The following FHIP2B variants were observed in gnomAD, a reference collection of about 807,000 sequenced individuals.
FHIP2B encodes the protein FHF complex subunit HOOK-interacting protein 2B.
FHIP2B carries 72 observed loss-of-function variants against 84.0 expected under a neutral mutation model. That is an observed-to-expected ratio of 0.86 (90% CI 0.71 to 1.04). The LOEUF (loss-of-function observed/expected upper bound fraction) is 1.04, where lower values mean the gene tolerates loss of function less well. FHIP2B is among the 50% of genes least tolerant of loss of function. The probability of loss-of-function intolerance (pLI) is 0.00; values close to 1 mark genes in which losing one functional copy is unlikely to be tolerated. For missense variants in FHIP2B, 972 were observed against 968.9 expected, an observed-to-expected ratio of 1.00 and a Z score of -0.04; for synonymous variants, 497 against 418.7, an observed-to-expected ratio of 1.19 and a Z score of -2.28.
At position 22,098,584 on chromosome 8, in the gene FHIP2B, C is replaced by T. The variant is rs767518854; in HGVS notation, c.930C>T (p.Pro310=). 2.6e-5 allele frequency: 42 copies of T among 1,603,194 alleles called. No individual in the cohort carries two copies. The highest frequency in any genetic ancestry group is 1.0e-4 in the Admixed American group (6 of 58,368). Reference sequence around the variant, plus strand: ...GGTCCATGCCTGTCTTCCTGGACCCCGCAGACATTGCCACCTTAGAGGGCA... The same window carrying T: ...GGTCCATGCCTGTCTTCCTGGACCCTGCAGACATTGCCACCTTAGAGGGCA... The part of the protein sequence containing the change: ...LYRSMPVFLD[P]ADIATLEGIS... The change falls in exon 7 of 17, where the codon CCC becomes CCT. Residue 310 remains proline (P), a synonymous_variant. Coordinates refer to ENST00000289921, the MANE Select transcript of FHIP2B (RefSeq NM_022749.7).
chr8:22,089,648 C>G, intron 1 of FHIP2B: 1 of 619,164 alleles, frequency 1.6e-6, no homozygotes, highest in Non-Finnish European at 2.4e-6. Context: ...CCCCGGGGCC[C>G]TAGGCCGCCT....
intron 8 of FHIP2B, 39 bp downstream of exon 8, chr8:22,099,095 TC>T (rs1825956916): frequency 1.3e-6 from 2 of 1,529,140 alleles, no homozygotes; most frequent in Non-Finnish European, 8.9e-7. Context: ...CTCATGCTGT[TC>T]CCTGTACCAT....
At chr8:22,102,468 G>A (rs1316684061) in intron 15 of FHIP2B, 60 bp from the exon 16 acceptor site, 2 of 1,536,408 alleles carry the variant, frequency 1.3e-6, no homozygotes, top group East Asian at 2.4e-5. Flanking sequence ...GGTGTGGCAG[G>A]GCCAGGGGAC....
At chr8:22,096,130 CTG>C (rs1011055582) in intron 2 of FHIP2B, 11 of 534,784 alleles carry the variant, frequency 2.1e-5, no homozygotes, top group Non-Finnish European at 3.3e-5. Context: ...TCTCAGAGGA[CTG>C]TGTCCTGAGC....
Position 22,101,716 on chromosome 8 carries a change from G to A in FHIP2B, c.1716G>A (p.Glu572=). 1 of 1,611,420 alleles carries A rather than the reference G, an allele frequency of 6.2e-7. No homozygotes were observed. The highest frequency in any genetic ancestry group is 8.5e-7 in the Non-Finnish European group (1 of 1,178,686). The change falls in exon 14 of 17, where the codon GAG becomes GAA. Residue 572 remains glutamate, a synonymous_variant. Coordinates refer to ENST00000289921, the MANE Select transcript of FHIP2B (RefSeq NM_022749.7). ...TTTCCCGCCTGTCTCAGTTCCAGGA[G>A]TGCAGCTCCCGCGTCGCCTCCTGGG... The part of the protein sequence containing the change: ...YVHDAYGLFQ[E]CSSRVASWGW...
chr8:22,089,791 C>G lies in FHIP2B; in HGVS notation c.45+493C>G, dbSNP rs568107305. The G allele has an allele frequency of 1.2e-5, 16 of 1,286,310 alleles. No homozygotes were observed. The East Asian group carries it at 2.2e-4, about 18-fold the overall frequency. 79.7% of individuals were successfully genotyped at this position (1,286,310 alleles called of 1,614,324 possible). A position where few individuals can be genotyped will look rare whatever the true frequency, so the allele number is the denominator to read the frequency against. The stretch of plus-strand genomic sequence containing the variant: ...TCCAGGACCTTGTTGGGGTGCAGGA[C>G]GCCCTTCCCGTCACCCCGGGACGTG... On this transcript the variant is annotated intron_variant, in intron 1 of 16. Transcript: ENST00000289921.
chr8:22,094,262 A>G (rs1380740317), intron 1 of FHIP2B, among the ~76,000 whole-genome samples, 178 bp from the exon 2 acceptor site: 3 of 152,152 alleles, frequency 2.0e-5, no homozygotes, highest in Non-Finnish European at 4.4e-5. Context: ...ATCCTTGGCA[A>G]GATGACAGTG....
At chr8:22,089,667 T>C (rs758179768) in intron 1 of FHIP2B, 2 of 822,812 alleles carry the variant, frequency 2.4e-6, no homozygotes, top group Non-Finnish European at 3.4e-6. Context: ...CTCCCCCCAG[T>C]CCCGGTGGGC....
Position 22,094,640 on chromosome 8 carries a change from C to T in FHIP2B, c.124+122C>T, listed in dbSNP as rs188814968. On this transcript the variant is annotated intron_variant, in intron 2 of 16. Transcript: ENST00000289921. The stretch of plus-strand genomic sequence containing the variant: ...CTGCCCAGTCGTTCAGAATTGGAGC[C>T]GAGTTCACGGAGACAGAGAACCAGA... 5.2e-4 allele frequency: 801 copies of T among 1,536,306 alleles called. 7 individuals carry two copies. The East Asian group carries it at 0.013, about 25-fold the overall frequency.
rs60525064 is a variant in FHIP2B, at chr8:22,104,831, T to TAAAAAAAAAAAAAAAAAAAAAAAAAAA, written c.*1918_*1919insAAAAAAAAAAAAAAAAAAAAAAAAAAA. ...CTGGGCAATAGAGTAAGACCCTGTC[T>TAAAAAAAAAAAAAAAAAAAAAAAAAAA]AAAAAAAAAAAAAAAAAATTTCACA... On this transcript the variant is annotated 3_prime_UTR_variant, in exon 17 of 17. Transcript: ENST00000289921. 4 of 126,506 alleles carry TAAAAAAAAAAAAAAAAAAAAAAAAAAA rather than the reference T, an allele frequency of 3.2e-5. No homozygotes were observed. Among genetic ancestry groups the TAAAAAAAAAAAAAAAAAAAAAAAAAAA allele is most frequent in the African/African-American group, 1.3e-4 (4 of 31,974 alleles). 7.8% of individuals were successfully genotyped at this position (126,506 alleles called of 1,614,324 possible).
chr8:22,094,150 C>T (rs899432624), intron 1 of FHIP2B, among the ~76,000 whole-genome samples: 5 of 152,194 alleles, frequency 3.3e-5, no homozygotes, highest in Admixed American at 1.3e-4. Context: ...CAGCAACATT[C>T]TTAGCACCTC....
At chr8:22,093,936 TA>T in intron 1 of FHIP2B, among the ~76,000 whole-genome samples, 1 of 152,162 alleles carries the variant, frequency 6.6e-6, no homozygotes, top group Non-Finnish European at 1.5e-5. Flanking sequence ...GAGGCTGGTT[TA>T]AACTCCTGGA....
At position 22,101,747 on chromosome 8, in the gene FHIP2B, C is replaced by T; in HGVS notation, c.1747C>T (p.Pro583Ser). 6.2e-7 allele frequency: 1 copy of T among 1,613,208 alleles called. No homozygotes were observed. The highest frequency in any genetic ancestry group is 8.5e-7 in the Non-Finnish European group (1 of 1,179,682). ...CSSRVASWGW[P>S]LTPTPLDPHE... ...CTCCCGCGTCGCCTCCTGGGGCTGG[C>T]CTCTGACCCCCACACCTTTGGACCC... is the stretch of plus-strand genomic sequence containing the variant. Residue 583 changes from proline to serine, a missense_variant, in exon 14 of 17, where the codon CCT becomes TCT. By Grantham distance (74) the Pro-to-Ser change is moderately conservative (BLOSUM62 -1). Transcript: ENST00000289921.
rs891098978 is a variant in FHIP2B at position 22,103,100 on chromosome 8, A to G, written c.*169A>G. 2 of 908,062 alleles carry G rather than the reference A, an allele frequency of 2.2e-6. No individual in the cohort carries two copies. The highest frequency in any genetic ancestry group is 3.2e-6 in the Non-Finnish European group (2 of 618,276). 56.3% of individuals were successfully genotyped at this position (908,062 alleles called of 1,614,324 possible). On this transcript the variant is annotated 3_prime_UTR_variant, in exon 17 of 17. Transcript: ENST00000289921. ...CCAGACTGGGTTTCAGGGAATGGGCATGCCAGGTGCCAAGGAGCCAAACAG... is the reference window on the plus strand; with the variant it reads ...CCAGACTGGGTTTCAGGGAATGGGCGTGCCAGGTGCCAAGGAGCCAAACAG...
At chr8:22,089,692 C>G (rs917785035) in intron 1 of FHIP2B, 1 of 1,103,396 alleles carries the variant, frequency 9.1e-7, no homozygotes, top group Non-Finnish European at 1.2e-6. Flanking sequence ...CTCCTTCCTC[C>G]GCTCCACCCC....
chr8:22,100,755 G>A lies in FHIP2B; in HGVS notation c.1487+16G>A, dbSNP rs376527529. On this transcript the variant is annotated intron_variant, in intron 11 of 16. Coordinates refer to ENST00000289921, the MANE Select transcript of FHIP2B (RefSeq NM_022749.7). ...AGGACACCCTGTAAGTGAAACCGGC[G>A]CCCTTTGGACTCAGCCCAGCCCTTA... is the stretch of plus-strand genomic sequence containing the variant. 62 of 1,604,980 alleles carry A rather than the reference G, an allele frequency of 3.9e-5. No homozygotes were observed. Among genetic ancestry groups the A allele is most frequent in the African/African-American group, 9.4e-5 (7 of 74,680 alleles).
chr8:22,098,416 C>T lies in FHIP2B; in HGVS notation c.769-7C>T. On this transcript the variant is annotated splice_region_variant and splice_polypyrimidine_tract_variant and intron_variant, in intron 6 of 16. Transcript: ENST00000289921. ...CATGTCCCTGAAGTTGTATCCTCAT[C>T]CCCTAGAAGAGTCGGGTGGCCTTGA... 3 of 1,579,800 alleles carry T rather than the reference C, an allele frequency of 1.9e-6. No individual in the cohort carries two copies. Among genetic ancestry groups the T allele is most frequent in the Non-Finnish European group, 2.6e-6 (3 of 1,160,198 alleles).
chr8:22,092,919 G>A (rs144002329), intron 1 of FHIP2B, among the ~76,000 whole-genome samples: 36 of 152,294 alleles, frequency 2.4e-4, no homozygotes, highest in African/African-American at 8.4e-4. Flanking sequence ...TATTCAATGC[G>A]GTTTTATATC....
chr8:22,089,228 C>T lies in FHIP2B; in HGVS notation c.-26C>T. The T allele has an allele frequency of 9.4e-7, 1 of 1,060,954 alleles. No homozygotes were observed. Among genetic ancestry groups the T allele is most frequent in the Non-Finnish European group, 1.1e-6 (1 of 879,888 alleles). The allele number at this position is 1,060,954 out of a possible 1,614,324, so 65.7% of individuals were successfully genotyped here. A position where few individuals can be genotyped will look rare whatever the true frequency, so the allele number is the denominator to read the frequency against. ...AGAGCGCTGCCGCCGCCGCTTTCGC[C>T]CGGGAGCCGGGGGCCGGGCGCCATC... is the stretch of plus-strand genomic sequence containing the variant. On this transcript the variant is annotated 5_prime_UTR_variant, in exon 1 of 17. Transcript: ENST00000289921.
Sources: gnomAD v4.1 joint callset for allele counts (sites outside exome capture counted in the v4.1 genomes callset) on GRCh38, gnomAD v4.1.1 for gene constraint, MANE v1.5 for transcripts, NCBI Gene and HGNC (gene_info 2026-07-23, HGNC 2026-07-21) for gene names.